Variants in ANXA4 observed in about 807,000 individuals in gnomAD.
ANXA4 encodes the protein annexin A4.
Under a neutral mutation model 49.8 loss-of-function variants are expected in ANXA4, and 39 were observed. That is an observed-to-expected ratio of 0.78 (90% CI 0.61 to 1.02). ANXA4 has a LOEUF of 1.02. ANXA4 is among the 50% of genes least tolerant of loss of function. The pLI is 0.00. For missense variants in ANXA4, 360 were observed against 410.1 expected, an observed-to-expected ratio of 0.88 and a Z score of 1.05; for synonymous variants, 134 against 152.5, an observed-to-expected ratio of 0.88 and a Z score of 0.89.
intron 1 of ANXA4, among the ~76,000 whole-genome samples, chr2:69,758,804 T>A (rs1278798027): frequency 2.0e-5 from 3 of 152,094 alleles, no homozygotes; most frequent in Non-Finnish European, 2.9e-5. Context: ...TCACAAGGAA[T>A]AAGCCAACAG....
At chr2:69,773,077 A>G (rs7606557) in intron 1 of ANXA4, among the ~76,000 whole-genome samples, 6,637 of 152,266 alleles carry the variant, frequency 0.044, 491 homozygotes, top group African/African-American at 0.15. Flanking sequence ...TAATAAATAA[A>G]CAACAGCTGT....
chr2:69,650,559 A>G (rs1676194756), intron 1 of ANXA4, among the ~76,000 whole-genome samples: 1 of 151,856 alleles, frequency 6.6e-6, no homozygotes, highest in Non-Finnish European at 1.5e-5. Flanking sequence ...TGAGGCTTTC[A>G]AGGGATCCAC....
At chr2:69,746,524 C>T (rs924465056) in intron 1 of ANXA4, among the ~76,000 whole-genome samples, 2 of 152,130 alleles carry the variant, frequency 1.3e-5, no homozygotes, top group Non-Finnish European at 1.5e-5. Context: ...GGATTTCTAT[C>T]TAAGGCTTGT....
intron 1 of ANXA4, among the ~76,000 whole-genome samples, chr2:69,778,612 C>A (rs1161447595): frequency 2.0e-5 from 3 of 151,954 alleles, no homozygotes; most frequent in South Asian, 4.2e-4. Flanking sequence ...CCTGTCTCTA[C>A]TAAAAATACA....
rs1334826540 is a variant in ANXA4 at position 69,673,691 on chromosome 2, C to CACAA, written n.766+20412_766+20413insAACA. ...AAAAGAAACATTTTTTTCAAAGACA[C>CACAA]ACACACACACACACACACACACACA... On this transcript the variant is annotated intron_variant and non_coding_transcript_variant, in intron 2 of 3. Coordinates refer to the ANXA4 transcript ENST00000418066. 6.4e-3 allele frequency among the ~76,000 whole-genome samples: 630 copies of CACAA among 97,884 alleles called. 6 individuals are homozygous for CACAA. Among genetic ancestry groups the CACAA allele is most frequent in the African/African-American group, 0.023 (589 of 25,252 alleles). The allele number at this position is 97,884 out of a possible 152,430, so 64.2% of individuals were successfully genotyped here.
intron 2 of ANXA4, among the ~76,000 whole-genome samples, chr2:69,668,663 A>G (rs1677034401): frequency 6.6e-6 from 1 of 152,190 alleles, no homozygotes; most frequent in African/African-American, 2.4e-5. Flanking sequence ...GTTAGGTTTC[A>G]CTGAGTGATA....
intron 9 of ANXA4, chr2:69,817,127 T>G (rs1674029702): frequency 1.3e-5 from 2 of 152,212 alleles, no homozygotes; most frequent in African/African-American, 4.8e-5. Flanking sequence ...AACAGGAATC[T>G]CCCCCTGGTG....
At chr2:69,709,189 T>C (rs900619922) in intron 2 of ANXA4, among the ~76,000 whole-genome samples, 1 of 151,784 alleles carries the variant, frequency 6.6e-6, no homozygotes, top group African/African-American at 2.4e-5. Context: ...TGTACCCTCC[T>C]GACAGTCTTC....
chr2:69,718,671 A>C (rs1286234679), intron 2 of ANXA4, among the ~76,000 whole-genome samples: 1 of 152,104 alleles, frequency 6.6e-6, no homozygotes, highest in African/African-American at 2.4e-5. Context: ...ATACACAAAC[A>C]TGTACACACG....
chr2:69,770,749 A>G (rs1197107691), intron 1 of ANXA4, among the ~76,000 whole-genome samples: 1 of 151,014 alleles, frequency 6.6e-6, no homozygotes, highest in African/African-American at 2.5e-5. Context: ...ACACACGTGC[A>G]GACACACACA....
At chr2:69,753,204 A>T (rs1670919692) in intron 1 of ANXA4, among the ~76,000 whole-genome samples, 1 of 152,172 alleles carries the variant, frequency 6.6e-6, no homozygotes, top group Non-Finnish European at 1.5e-5. Flanking sequence ...CTAGTATATG[A>T]TAGGGGCAAA....
intron 2 of ANXA4, among the ~76,000 whole-genome samples, chr2:69,670,637 A>T (rs1677142136): frequency 6.6e-6 from 1 of 152,120 alleles, no homozygotes; most frequent in Non-Finnish European, 1.5e-5. Flanking sequence ...GACCTGATAG[A>T]TGACATATAC....
intron 2 of ANXA4, among the ~76,000 whole-genome samples, chr2:69,660,518 T>G (rs946393641): frequency 2.0e-5 from 3 of 152,060 alleles, no homozygotes; most frequent in African/African-American, 7.2e-5. Context: ...ACTAACATTC[T>G]AAAAGGTGAT....
intron 1 of ANXA4, among the ~76,000 whole-genome samples, chr2:69,754,804 C>G: frequency 6.6e-6 from 1 of 152,184 alleles, no homozygotes; most frequent in East Asian, 1.9e-4. Flanking sequence ...TATGCTCCCT[C>G]CTAAGGCTGT....
intron 2 of ANXA4, among the ~76,000 whole-genome samples, chr2:69,686,963 T>TA (rs1431216285): frequency 6.6e-6 from 1 of 152,168 alleles, no homozygotes; most frequent in Non-Finnish European, 1.5e-5. Context: ...ACACATAACT[T>TA]AAAGTCACAC....
intron 2 of ANXA4, among the ~76,000 whole-genome samples, chr2:69,693,065 G>A (rs1230502450): frequency 6.6e-6 from 1 of 152,176 alleles, no homozygotes; most frequent in Non-Finnish European, 1.5e-5. Flanking sequence ...AGGTTAAATA[G>A]ATTCTTCCCT....
At position 69,826,355 on chromosome 2, in the gene ANXA4, T is replaced by C. The variant is rs1046596577; in HGVS notation, c.*840T>C. 1 of 152,710 alleles carries C rather than the reference T, an allele frequency of 6.5e-6. No homozygotes were observed. The highest frequency in any genetic ancestry group is 1.5e-5 in the Non-Finnish European group (1 of 68,052). 9.5% of individuals were successfully genotyped at this position (152,710 alleles called of 1,614,324 possible). A position where few individuals can be genotyped will look rare whatever the true frequency, so the allele number is the denominator to read the frequency against. On this transcript the variant is annotated 3_prime_UTR_variant, in exon 13 of 13. Transcript: ENST00000394295. ...ACTTTTTTGTGCTAAAAATACTTTT[T>C]AAAATCAATTTTGTTGATTGTAGTA...
chr2:69,825,368 C>A, intron 12 of ANXA4, 88 bp from the exon 13 acceptor site: 2 of 1,083,066 alleles, frequency 1.8e-6, no homozygotes, highest in Admixed American at 2.4e-5. Context: ...AAAATCCAGC[C>A]AAGCTTGAAA....
chr2:69,750,282 A>G (rs1049723332), intron 1 of ANXA4, among the ~76,000 whole-genome samples: 17 of 152,230 alleles, frequency 1.1e-4, no homozygotes, highest in African/African-American at 3.9e-4. Context: ...GCATGCAAGT[A>G]TCCTTCAGTT....
Sources: allele counts gnomAD v4.1 joint callset (sites outside exome capture counted in the v4.1 genomes callset), GRCh38; gene constraint gnomAD v4.1.1; transcripts MANE v1.5; gene names NCBI Gene and HGNC (gene_info 2026-07-23, HGNC 2026-07-21).